Variants in DCC observed in about 807,000 individuals in gnomAD.
DCC encodes DCC netrin 1 receptor.
DCC carries 58 observed loss-of-function variants against 172.5 expected under a neutral mutation model. That is an observed-to-expected ratio of 0.34 (90% CI 0.27 to 0.42). DCC has a LOEUF of 0.42. DCC is among the 10% of genes least tolerant of loss of function. The pLI, the probability that DCC is intolerant of heterozygous loss-of-function variation, is 1.00. For synonymous variants in DCC, 709 were observed against 644.5 expected (o/e 1.10, Z -1.52); for missense variants, 1,740 against 1,791.0 (o/e 0.97, Z 0.51).
rs747750945 is a variant in DCC at position 53,305,726 on chromosome 18, G to A, written c.2053+7G>A. 1.9e-6 allele frequency: 3 copies of A among 1,613,690 alleles called. No homozygotes were observed. The highest frequency in any genetic ancestry group is 2.5e-6 in the Non-Finnish European group (3 of 1,179,650). On this transcript the variant is annotated splice_region_variant and intron_variant, in intron 13 of 28. Coordinates refer to ENST00000442544, the MANE Select transcript of DCC (RefSeq NM_005215.4). ...CTCTGGTACCTATTCACAGGTCAGT[G>A]TTCACATGGTGTAGTCTTGCAAGGT...
chr18:53,394,979 T>TA (rs1223685675), intron 17 of DCC, among the ~76,000 whole-genome samples: 2 of 125,302 alleles, frequency 1.6e-5, no homozygotes, highest in Non-Finnish European at 3.3e-5. Flanking sequence ...TTGTCTCCAC[T>TA]AAAAAAATAC....
intron 2 of DCC, among the ~76,000 whole-genome samples, chr18:52,790,664 T>C (rs1402402734): frequency 6.6e-6 from 1 of 152,212 alleles, no homozygotes. Flanking sequence ...AGGTACTGCT[T>C]CCTTTCCTAT....
chr18:52,745,173 AT>A (rs1432528001), intron 1 of DCC, among the ~76,000 whole-genome samples: 1 of 152,222 alleles, frequency 6.6e-6, no homozygotes, highest in Non-Finnish European at 1.5e-5. Context: ...ATAAATATTA[AT>A]AAAACGTGTT....
intron 7 of DCC, among the ~76,000 whole-genome samples, chr18:53,079,966 G>A (rs368671786): frequency 2.6e-5 from 4 of 152,128 alleles, no homozygotes; most frequent in African/African-American, 9.6e-5. Flanking sequence ...TCTAGACTAT[G>A]TGGGATAGGG....
At chr18:52,748,036 G>T (rs1248005826) in intron 1 of DCC, among the ~76,000 whole-genome samples, 2 of 152,184 alleles carry the variant, frequency 1.3e-5, no homozygotes, top group African/African-American at 2.4e-5. Context: ...CGGTCGGCTC[G>T]TGCTACGACC....
intron 12 of DCC, among the ~76,000 whole-genome samples, chr18:53,270,299 T>C (rs545235668): frequency 6.6e-6 from 1 of 152,294 alleles, no homozygotes; most frequent in Admixed American, 6.5e-5. Context: ...AAAGATGCTT[T>C]GAAGATGGTG....
At chr18:53,198,885 G>A (rs949405829) in intron 9 of DCC, among the ~76,000 whole-genome samples, 1 of 152,078 alleles carries the variant, frequency 6.6e-6, no homozygotes, top group Non-Finnish European at 1.5e-5. Context: ...GAAATTAGAA[G>A]CAGTTTGCCA....
In DCC at chr18:52,517,897, T is replaced by C. The variant is rs8098311; in HGVS notation, c.91+177019T>C. On this transcript the variant is annotated intron_variant, in intron 1 of 28. Transcript: ENST00000442544. Reference sequence around the variant, plus strand: ...CCATGCCATTGATTATGCTTGTAGTTCATTCATTCTCATTGCTGCATATTA... The same window carrying C: ...CCATGCCATTGATTATGCTTGTAGTCCATTCATTCTCATTGCTGCATATTA... Among the ~76,000 whole-genome samples the C allele has an allele frequency of 8.5e-3, 1,293 of 152,320 alleles. 26 individuals carry two copies. The highest frequency in any genetic ancestry group is 0.03 in the African/African-American group (1,239 of 41,568).
At chr18:52,813,834 C>T (rs1429275380) in intron 2 of DCC, among the ~76,000 whole-genome samples, 2 of 152,162 alleles carry the variant, frequency 1.3e-5, no homozygotes, top group Admixed American at 6.5e-5. Flanking sequence ...CTTTTCTGGC[C>T]TTCAGACCAG....
At chr18:52,620,481 T>C (rs566138989) in intron 1 of DCC, among the ~76,000 whole-genome samples, 7 of 152,358 alleles carry the variant, frequency 4.6e-5, no homozygotes, top group African/African-American at 1.4e-4. Context: ...CTGAACCGAA[T>C]AAATCTCTTC....
intron 28 of DCC, among the ~76,000 whole-genome samples, chr18:53,528,722 C>G (rs1409441304): frequency 6.6e-6 from 1 of 152,104 alleles, no homozygotes; most frequent in Admixed American, 6.6e-5. Context: ...TACCTTTTAT[C>G]TAACCCAATA....
intron 2 of DCC, among the ~76,000 whole-genome samples, chr18:52,759,790 A>T (rs1797550285): frequency 6.6e-6 from 1 of 152,242 alleles, no homozygotes; most frequent in African/African-American, 2.4e-5. Flanking sequence ...TTAATCTTTA[A>T]CAAAACACAG....
chr18:53,067,029 C>A (rs1464545400), intron 7 of DCC, among the ~76,000 whole-genome samples: 1 of 152,124 alleles, frequency 6.6e-6, no homozygotes, highest in Non-Finnish European at 1.5e-5. Flanking sequence ...GGGAAATCTG[C>A]CCCTGTGATC....
chr18:53,508,712 G>A (rs1359369541), intron 27 of DCC, among the ~76,000 whole-genome samples: 1 of 152,212 alleles, frequency 6.6e-6, no homozygotes, highest in African/African-American at 2.4e-5. Flanking sequence ...CACATTGCCT[G>A]ATAAGTTGAG....
At chr18:52,613,808 T>C (rs1598958181) in intron 1 of DCC, among the ~76,000 whole-genome samples, 2 of 152,166 alleles carry the variant, frequency 1.3e-5, no homozygotes, top group South Asian at 2.1e-4. Context: ...GGGTATTCGC[T>C]GAGAGCAAAC....
chr18:52,610,182 TA>T (rs2034241638), intron 1 of DCC, among the ~76,000 whole-genome samples: 1 of 8,942 alleles, frequency 1.1e-4, no homozygotes, highest in African/African-American at 5.3e-4. Context: ...AAAAAAAATA[TA>T]TATATATATA....
Position 52,925,291 on chromosome 18 carries a change from T to C in DCC, c.906T>C (p.Asp302=). ...ACTTGCTTATCTCCAATGTGACAGA[T>C]GATGACAGTGGAATGTATACCTGTG... ...GSNLLISNVT[D]DDSGMYTCVV... Residue 302 remains aspartate (D), a synonymous_variant, in exon 5 of 29, where the codon GAT becomes GAC. Coordinates refer to ENST00000442544, the MANE Select transcript of DCC (RefSeq NM_005215.4). The C allele has an allele frequency of 6.2e-7, 1 of 1,612,222 alleles. No homozygotes were observed. Among genetic ancestry groups the C allele is most frequent in the East Asian group, 2.2e-5 (1 of 44,812 alleles).
chr18:53,159,880 G>A (rs2054807510), intron 8 of DCC, among the ~76,000 whole-genome samples: 1 of 152,068 alleles, frequency 6.6e-6, no homozygotes, highest in Non-Finnish European at 1.5e-5. Context: ...ATTGCTATGA[G>A]GACTGAGGGA....
rs114071546 is a variant in DCC at position 52,654,528 on chromosome 18, G to T, written c.92-97526G>T. 8.0e-3 allele frequency among the ~76,000 whole-genome samples: 1,221 copies of T among 152,194 alleles called. 14 individuals are homozygous for T. The highest frequency in any genetic ancestry group is 0.028 in the African/African-American group (1,167 of 41,506). The stretch of plus-strand genomic sequence containing the variant: ...TAGTTTCTTCTGAGGCCTCTCTTTG[G>T]CTTATGGATGGCTACCTTCCTCACA... On this transcript the variant is annotated intron_variant, in intron 1 of 28. Transcript: ENST00000442544.
Sources: allele counts gnomAD v4.1 joint callset (sites outside exome capture counted in the v4.1 genomes callset), GRCh38; gene constraint gnomAD v4.1.1; transcripts MANE v1.5; gene names NCBI Gene and HGNC (gene_info 2026-07-23, HGNC 2026-07-21).